The following COL27A1 variants were observed in gnomAD, a reference collection of about 807,000 sequenced individuals.
The protein encoded by COL27A1 is collagen type XXVII alpha 1 chain.
COL27A1 carries 106 observed loss-of-function variants against 251.3 expected under a neutral mutation model. The ratio of observed to expected loss-of-function variants is 0.42; its 90% CI spans 0.36 to 0.50. The LOEUF is 0.50. Ranked by LOEUF, COL27A1 falls within the 20% of genes least tolerant of loss-of-function variation. COL27A1 has a pLI of 0.00. For missense variants in COL27A1, 2,325 were observed against 2,522.8 expected (o/e 0.92, Z 1.68); for synonymous variants, 1,000 against 986.3 (o/e 1.01, Z -0.26).
Position 114,306,525 on chromosome 9 carries a change from C to A in COL27A1, c.4944C>A (p.Tyr1648Ter). 1 of 1,614,034 alleles carries A rather than the reference C, an allele frequency of 6.2e-7. No individual in the cohort carries two copies. Among genetic ancestry groups the A allele is most frequent in the Non-Finnish European group, 8.5e-7 (1 of 1,180,016 alleles). Residue 1648 changes from tyrosine to a stop codon, truncating the protein, a stop_gained, in exon 58 of 61, where the codon TAC (tyrosine) becomes TAA (stop). Coordinates refer to ENST00000356083, the MANE Select transcript of COL27A1 (RefSeq NM_032888.4). LOFTEE classifies it high-confidence loss of function. ...CCACCCTCTCCTCGTGACAGAGTTA[C>A]AGCTATCCAGACCGGCTGGTGCTGG... The part of the protein sequence containing the change: ...DTSGALRPES[Y>*]SYPDRLVLDQ...
intron 57 of COL27A1, 23 bp downstream of exon 57, chr9:114,304,696 T>A (rs764734738): frequency 6.2e-7 from 1 of 1,607,816 alleles, no homozygotes; most frequent in Non-Finnish European, 8.5e-7. Flanking sequence ...GCTCTCCCCA[T>A]GTGGGATCCC....
At chr9:114,213,306 TC>T (rs1465873995) in intron 12 of COL27A1, among the ~76,000 whole-genome samples, 1 of 152,120 alleles carries the variant, frequency 6.6e-6, no homozygotes, top group Non-Finnish European at 1.5e-5. Flanking sequence ...CTCTGCATCC[TC>T]CTCATCTCCC....
Position 114,265,121 on chromosome 9 carries a change from C to A in COL27A1, c.3339+11C>A. ...TCGAGAGGCTTTCCTGTAAGTAGCA[C>A]CAGTTCTTGAAATTCTCTACATGGG... On this transcript the variant is annotated intron_variant, in intron 31 of 60. Transcript: ENST00000356083. 2 of 1,605,444 alleles carry A rather than the reference C, an allele frequency of 1.2e-6. No individual in the cohort carries two copies. Among genetic ancestry groups the A allele is most frequent in the Non-Finnish European group, 1.7e-6 (2 of 1,175,288 alleles).
chr9:114,251,928 G>T (rs1191979415), intron 25 of COL27A1, among the ~76,000 whole-genome samples: 1 of 152,256 alleles, frequency 6.6e-6, no homozygotes, highest in African/African-American at 2.4e-5. Context: ...TGGGAGCAGG[G>T]CTGCTCACCA....
At chr9:114,205,898 C>G in intron 9 of COL27A1, 86 bp downstream of exon 9, 1 of 1,291,958 alleles carries the variant, frequency 7.7e-7, no homozygotes, top group Non-Finnish European at 1.1e-6. Flanking sequence ...AGGTGGTGGG[C>G]TGGGGGCCAA....
intron 3 of COL27A1, among the ~76,000 whole-genome samples, chr9:114,176,020 C>G (rs1827409580): frequency 6.6e-6 from 1 of 152,162 alleles, no homozygotes; most frequent in South Asian, 2.1e-4. Context: ...TAGTTAGAGT[C>G]ACACTCAACC....
In COL27A1 at chr9:114,288,897, C is replaced by T. The variant is rs1158225120; in HGVS notation, c.4099-17C>T. Reference sequence around the variant, plus strand: ...TGCAGGATGGGCCCCCCTCACCTGTCTCTCTTTGGCTTCCAGGGACAGGAG... The same window carrying T: ...TGCAGGATGGGCCCCCCTCACCTGTTTCTCTTTGGCTTCCAGGGACAGGAG... On this transcript the variant is annotated splice_polypyrimidine_tract_variant and intron_variant, in intron 43 of 60. Transcript: ENST00000356083. 6.2e-7 allele frequency: 1 copy of T among 1,613,680 alleles called. No homozygotes were observed. Among genetic ancestry groups the T allele is most frequent in the East Asian group, 2.2e-5 (1 of 44,880 alleles).
Position 114,168,392 on chromosome 9 carries a change from G to C in COL27A1, c.837G>C (p.Leu279=). 1 of 1,613,442 alleles carries C rather than the reference G, an allele frequency of 6.2e-7. No homozygotes were observed. ...LENLTTATPA[L]GSLPAGRGPR... ...ACTTGACCACTGCCACACCAGCCCT[G>C]GGGTCACTGCCAGCAGGCAGGGGAC... The change falls in exon 3 of 61, where the codon CTG becomes CTC. Residue 279 remains leucine, a synonymous_variant. Coordinates refer to ENST00000356083, the MANE Select transcript of COL27A1 (RefSeq NM_032888.4).
chr9:114,215,339 C>T (rs1830649469), intron 12 of COL27A1, among the ~76,000 whole-genome samples: 1 of 152,140 alleles, frequency 6.6e-6, no homozygotes, highest in Non-Finnish European at 1.5e-5. Context: ...AAATTGAGGC[C>T]AAAGCAGATT....
chr9:114,154,548 T>C (rs1848019922), upstream of COL27A1, among the ~76,000 whole-genome samples: 1 of 152,128 alleles, frequency 6.6e-6, no homozygotes, highest in Non-Finnish European at 1.5e-5. The surrounding 1 kb of genome is among the most constrained non-coding windows in gnomAD (Gnocchi z 5.8). Context: ...CGCGCGTGTG[T>C]CCACCCGGGG....
chr9:114,227,804 T>A (rs1831598721), intron 14 of COL27A1, among the ~76,000 whole-genome samples: 1 of 152,184 alleles, frequency 6.6e-6, no homozygotes, highest in African/African-American at 2.4e-5. Context: ...CTCATTATTC[T>A]TTTTCATGGG....
At chr9:114,238,514 C>A (rs1444291466) in intron 19 of COL27A1, among the ~76,000 whole-genome samples, 1 of 152,214 alleles carries the variant, frequency 6.6e-6, no homozygotes, top group Non-Finnish European at 1.5e-5. Flanking sequence ...GCATCCAAGA[C>A]AAAAGTGTGG....
At chr9:114,211,142 G>A (rs953854799) in intron 12 of COL27A1, 116 bp downstream of exon 12, 3 of 1,090,374 alleles carry the variant, frequency 2.8e-6, no homozygotes, top group Admixed American at 3.5e-5. Context: ...TGCTTTGAGT[G>A]TGGGGGCCGC....
At chr9:114,176,702 T>C (rs2135136360) in intron 3 of COL27A1, among the ~76,000 whole-genome samples, 1 of 152,270 alleles carries the variant, frequency 6.6e-6, no homozygotes, top group East Asian at 1.9e-4. Flanking sequence ...GCCGCCAATT[T>C]GGCCAGAGGT....
chr9:114,284,022 G>A (rs1422974625), intron 40 of COL27A1, among the ~76,000 whole-genome samples: 1 of 152,238 alleles, frequency 6.6e-6, no homozygotes, highest in Admixed American at 6.5e-5. Flanking sequence ...TCCTGCCCAG[G>A]GTGGGCGCTC....
Position 114,204,065 on chromosome 9 carries a change from C to T in COL27A1, c.2125-1037C>T, listed in dbSNP as rs77738643. On this transcript the variant is annotated intron_variant, in intron 7 of 60. Coordinates refer to ENST00000356083, the MANE Select transcript of COL27A1 (RefSeq NM_032888.4). The stretch of plus-strand genomic sequence containing the variant: ...GTCTACAGGTTTGAGCGTGCATGTG[C>T]GCGTGTGTGTATTCTGGTCTTGTGT... Among the ~76,000 whole-genome samples the T allele has an allele frequency of 1.4e-3, 209 of 152,074 alleles. 1 individual carries two copies. Among genetic ancestry groups the T allele is most frequent in the African/African-American group, 4.8e-3 (199 of 41,470 alleles).
chr9:114,194,645 C>T (rs1828982347), intron 6 of COL27A1, among the ~76,000 whole-genome samples, 188 bp downstream of exon 6: 1 of 152,212 alleles, frequency 6.6e-6, no homozygotes, highest in Non-Finnish European at 1.5e-5. Context: ...CAACACCAAA[C>T]CCACCCAAGG....
chr9:114,196,339 T>C (rs1829125780), intron 7 of COL27A1, among the ~76,000 whole-genome samples: 1 of 152,192 alleles, frequency 6.6e-6, no homozygotes, highest in Non-Finnish European at 1.5e-5. Flanking sequence ...GAGTAACCTG[T>C]GCTGGCCCTG....
chr9:114,168,224 G>C lies in COL27A1; in HGVS notation c.669G>C (p.Gln223His), dbSNP rs756760165. 9.3e-6 allele frequency: 15 copies of C among 1,614,012 alleles called. No individual in the cohort carries two copies. In the South Asian group the frequency reaches 1.1e-4, roughly 12 times the overall value. Residue 223 changes from glutamine to histidine, a missense_variant, in exon 3 of 61, where the codon CAG (glutamine) becomes CAC (histidine). By Grantham distance (24) the Gln-to-His change is conservative. This residue lies in a region of COL27A1 where 1,183 missense variants were observed against 1,144.1 expected (regional missense o/e 1.03). Coordinates refer to ENST00000356083, the MANE Select transcript of COL27A1 (RefSeq NM_032888.4). ...LCQFSIYPVT[Q>H]VAHNYCTHLR... ...AGTTCAGTATCTACCCTGTGACGCAGGTCGCTCACAATTACTGTACCCACC... is the reference window on the plus strand; with the variant it reads ...AGTTCAGTATCTACCCTGTGACGCACGTCGCTCACAATTACTGTACCCACC...
Sources: allele counts gnomAD v4.1 joint callset (sites outside exome capture counted in the v4.1 genomes callset), GRCh38; gene constraint gnomAD v4.1.1; regional missense constraint gnomAD v4.1.1; non-coding constraint Gnocchi (gnomAD v3.1); transcripts MANE v1.5; gene names NCBI Gene and HGNC (gene_info 2026-07-23, HGNC 2026-07-21).